The following SCD5 variants were observed in gnomAD, a reference collection of about 807,000 sequenced individuals.
The protein encoded by SCD5 is stearoyl-CoA desaturase 5, also known as acyl-CoA-desaturase 4.
In SCD5, 20 loss-of-function variants were observed where a neutral mutation model predicts 30.4. The ratio of observed to expected loss-of-function variants is 0.66; its 90% confidence interval spans 0.46 to 0.96. SCD5 has a LOEUF of 0.96. Among genes scored for constraint, SCD5 ranks in the 40% least tolerant of loss-of-function variants. SCD5 has a pLI of 0.00. For synonymous variants in SCD5, 173 were observed against 176.4 expected (o/e 0.98, Z 0.16); for missense variants, 381 against 443.3 (o/e 0.86, Z 1.26).
At chr4:82,756,811 C>T (rs890386518) in intron 1 of SCD5, among the ~76,000 whole-genome samples, 2 of 152,030 alleles carry the variant, frequency 1.3e-5, no homozygotes, top group South Asian at 4.1e-4. Flanking sequence ...TAGTCTTGCC[C>T]CCCTCAAATC....
chr4:82,694,772 G>T (rs201490554), intron 2 of SCD5, among the ~76,000 whole-genome samples: 2 of 152,192 alleles, frequency 1.3e-5, no homozygotes, highest in East Asian at 1.9e-4. Context: ...CATTGAGTAG[G>T]CTGAGAGGAG....
intron 4 of SCD5, among the ~76,000 whole-genome samples, chr4:82,635,426 T>C (rs765607163): frequency 6.6e-6 from 1 of 151,930 alleles, no homozygotes; most frequent in Non-Finnish European, 1.5e-5. Context: ...GAAACCATCC[T>C]GGCTAACACG....
rs998510764 is a variant in SCD5 at position 82,715,725 on chromosome 4, T to C, written c.233-10312A>G. On this transcript the variant is annotated intron_variant, in intron 1 of 4. Coordinates refer to ENST00000319540, the MANE Select transcript of SCD5 (RefSeq NM_001037582.3). ...TCGTGAAGGAAAAGAGATGCATTGA[T>C]AAGAGGAAAAACTTGATGACCAGAA... Among the ~76,000 whole-genome samples, 6 of 151,692 alleles carry C rather than the reference T, an allele frequency of 4.0e-5. 1 individual carries two copies. Among genetic ancestry groups the C allele is most frequent in the African/African-American group, 1.2e-4 (5 of 40,984 alleles).
chr4:82,636,100 G>A (rs772384724), intron 4 of SCD5, among the ~76,000 whole-genome samples: 3 of 152,134 alleles, frequency 2.0e-5, no homozygotes, highest in Non-Finnish European at 2.9e-5. Context: ...TTCCTGTGAC[G>A]TAAGCATTGC....
intron 1 of SCD5, among the ~76,000 whole-genome samples, chr4:82,782,421 A>G (rs2148851683): frequency 6.6e-6 from 1 of 152,256 alleles, no homozygotes; most frequent in South Asian, 2.1e-4. Context: ...CTACTCCCAT[A>G]GCAGGGCTGG....
chr4:82,658,406 T>A (rs1476993412), intron 3 of SCD5, among the ~76,000 whole-genome samples: 1 of 152,002 alleles, frequency 6.6e-6, no homozygotes, highest in Admixed American at 6.6e-5. Context: ...TTTATTGATA[T>A]GTGTATGTTG....
At chr4:82,663,256 C>T (rs189152265) in intron 3 of SCD5, among the ~76,000 whole-genome samples, 4 of 152,272 alleles carry the variant, frequency 2.6e-5, no homozygotes, top group African/African-American at 9.6e-5. Context: ...AGATGGCTAC[C>T]ACACAAGTAG....
At chr4:82,780,528 A>G (rs1187340467) in intron 1 of SCD5, among the ~76,000 whole-genome samples, 1 of 152,234 alleles carries the variant, frequency 6.6e-6, no homozygotes, top group Non-Finnish European at 1.5e-5. Context: ...GGTGCAGAAA[A>G]GCACATCCCA....
chr4:82,770,142 G>A (rs1721587253), intron 1 of SCD5, among the ~76,000 whole-genome samples: 1 of 151,870 alleles, frequency 6.6e-6, no homozygotes. Flanking sequence ...CCATTAACTC[G>A]TCATTTACAT....
chr4:82,704,989 G>C lies in SCD5; in HGVS notation c.363+294C>G, dbSNP rs144892021. On this transcript the variant is annotated intron_variant, in intron 2 of 4. Transcript: ENST00000319540. ...TATCACAGAACTTGGCCCCTGGTTA[G>C]GGCTGGACAAATGTTGAGGCTTTCA... Among the ~76,000 whole-genome samples, 190 of 152,358 alleles carry C rather than the reference G, an allele frequency of 1.2e-3. 1 individual carries two copies. The highest frequency in any genetic ancestry group is 4.4e-3 in the African/African-American group (181 of 41,580).
In SCD5 at chr4:82,738,015, T is replaced by C. The variant is rs538640407; in HGVS notation, c.233-32602A>G. Among the ~76,000 whole-genome samples the C allele has an allele frequency of 5.5e-4, 82 of 148,866 alleles. 1 individual carries two copies. Among genetic ancestry groups the C allele is most frequent in the African/African-American group, 2.0e-3 (81 of 40,836 alleles). On this transcript the variant is annotated intron_variant, in intron 1 of 4. Coordinates refer to ENST00000319540, the MANE Select transcript of SCD5 (RefSeq NM_001037582.3). ...CTACTTTTTGCACGCATCACCCAAA[T>C]TGTAAAACAACAACAAAAAATAAGA...
chr4:82,741,497 C>CT (rs1309017140), intron 1 of SCD5, among the ~76,000 whole-genome samples: 3 of 152,204 alleles, frequency 2.0e-5, no homozygotes, highest in African/African-American at 7.2e-5. Context: ...GTGACGGCAG[C>CT]TGCATGAGCC....
intron 1 of SCD5, among the ~76,000 whole-genome samples, chr4:82,735,642 T>C (rs892815468): frequency 6.6e-6 from 1 of 152,218 alleles, no homozygotes; most frequent in Non-Finnish European, 1.5e-5. Context: ...AAACACTTAT[T>C]CCTTGACTTA....
chr4:82,733,987 G>A (rs1720695718), intron 1 of SCD5, among the ~76,000 whole-genome samples: 1 of 152,126 alleles, frequency 6.6e-6, no homozygotes, highest in Admixed American at 6.6e-5. Flanking sequence ...AAGAAAAATG[G>A]CCACTATTAC....
At chr4:82,660,363 A>T (rs1380511487) in intron 3 of SCD5, 1 of 714,402 alleles carries the variant, frequency 1.4e-6, no homozygotes, top group South Asian at 5.9e-5. Flanking sequence ...AATCAACTGA[A>T]TATACTTATG....
chr4:82,726,838 T>A (rs1048724842), intron 1 of SCD5, among the ~76,000 whole-genome samples: 4 of 152,180 alleles, frequency 2.6e-5, no homozygotes, highest in Admixed American at 2.6e-4. Flanking sequence ...TACACAGCCC[T>A]CTTCGTCCTG....
At chr4:82,778,749 T>G (rs1373407714) in intron 1 of SCD5, among the ~76,000 whole-genome samples, 1 of 152,220 alleles carries the variant, frequency 6.6e-6, no homozygotes, top group East Asian at 1.9e-4. Flanking sequence ...TGTCTGGGTA[T>G]GGTAAGCAGA....
chr4:82,635,681 ACT>A (rs1010095226), intron 4 of SCD5, among the ~76,000 whole-genome samples: 13 of 151,504 alleles, frequency 8.6e-5, no homozygotes, highest in African/African-American at 3.1e-4. Flanking sequence ...TGGTAGGAAC[ACT>A]CTGTATCAAC....
At chr4:82,696,163 C>T (rs1160230882) in intron 2 of SCD5, among the ~76,000 whole-genome samples, 1 of 152,182 alleles carries the variant, frequency 6.6e-6, no homozygotes, top group East Asian at 1.9e-4. Context: ...CTTCTGCCTT[C>T]TGAAAGAGTT....
Sources: allele counts gnomAD v4.1 joint callset (sites outside exome capture counted in the v4.1 genomes callset), GRCh38; gene constraint gnomAD v4.1.1; transcripts MANE v1.5; gene names NCBI Gene and HGNC (gene_info 2026-07-23, HGNC 2026-07-21).